The following ZNF558 variants were observed in gnomAD, a reference collection of about 807,000 sequenced individuals.
ZNF558 encodes zinc finger protein 558.
A neutral mutation model predicts 37.6 loss-of-function variants in ZNF558; 23 were observed. The observed-to-expected ratio is 0.61, with a 90% CI of 0.44 to 0.87. ZNF558 has a LOEUF of 0.87. ZNF558 is among the 40% of genes least tolerant of loss of function. The probability of loss-of-function intolerance (pLI) is 0.00; values close to 1 mark genes in which losing one functional copy is unlikely to be tolerated. For missense variants in ZNF558, 429 were observed against 483.7 expected (o/e 0.89, Z 1.06); for synonymous variants, 189 against 174.4 (o/e 1.08, Z -0.66).
Position 8,822,534 on chromosome 19 carries a change from C to A in ZNF558, c.31+95G>T. 6.3e-7 allele frequency: 1 copy of A among 1,576,992 alleles called. No individual in the cohort carries two copies. Among genetic ancestry groups the A allele is most frequent in the Non-Finnish European group, 8.7e-7 (1 of 1,149,730 alleles). On this transcript the variant is annotated intron_variant, in intron 5 of 9. Transcript: ENST00000601372. This position sits in a 1 kb window ranked among gnomAD's most constrained non-coding sequence, Gnocchi z 4.4. ...TGGGCCCCTGGGGCTCCACTCCTGC[C>A]TCACCTGCTCTGCCCAACCCCGCTC...
In ZNF558 at chr19:8,811,247, A is replaced by G. The variant is rs369989137; in HGVS notation, c.*34T>C. ...AAACTATCTTAGGGATGAAAGATCA[A>G]TGAGTGCTTTCCTCCAGAAGTTCCT... On this transcript the variant is annotated 3_prime_UTR_variant, in exon 10 of 10. Coordinates refer to ENST00000601372, the MANE Select transcript of ZNF558 (RefSeq NM_144693.3). The G allele has an allele frequency of 8.6e-6, 13 of 1,518,118 alleles. No individual in the cohort carries two copies. In the African/African-American group the frequency reaches 1.3e-4, roughly 15 times the overall value. The allele number at this position is 1,518,118 out of a possible 1,614,324, so 94.0% of individuals were successfully genotyped here.
chr19:8,832,670 G>A (rs2044391732), upstream of ZNF558: 1 of 153,198 alleles, frequency 6.5e-6, no homozygotes, highest in Non-Finnish European at 1.5e-5. Flanking sequence ...GAGGCTGATT[G>A]GGCAGAGACC....
At position 8,822,344 on chromosome 19, in the gene ZNF558, G is replaced by A. The variant is rs2044115278; in HGVS notation, c.32-253C>T. ...GGATTATTCCCACTTCACAGATGAG[G>A]AAACAAGTTCCAAGGGCGTCACTGT... On this transcript the variant is annotated intron_variant, in intron 5 of 9. Transcript: ENST00000601372. This position sits in a 1 kb window ranked among gnomAD's most constrained non-coding sequence, Gnocchi z 4.4. Among the ~76,000 whole-genome samples, 1 of 152,188 alleles carries A rather than the reference G, an allele frequency of 6.6e-6. No homozygotes were observed. Among genetic ancestry groups the A allele is most frequent in the African/African-American group, 2.4e-5 (1 of 41,442 alleles).
chr19:8,835,909 A>G (rs576830863), upstream of ZNF558, among the ~76,000 whole-genome samples: 5 of 152,244 alleles, frequency 3.3e-5, no homozygotes, highest in Non-Finnish European at 5.9e-5. Context: ...GAAGCCACTC[A>G]TAAAAAACCC....
At chr19:8,834,705 A>G (rs530107248), upstream of ZNF558, among the ~76,000 whole-genome samples, 1 of 152,154 alleles carries the variant, frequency 6.6e-6, no homozygotes, top group East Asian at 1.9e-4. Flanking sequence ...TCTACTTCAC[A>G]CCATGTACAA....
intron 1 of ZNF558, among the ~76,000 whole-genome samples, chr19:8,831,917 C>T (rs1027998320): frequency 2.6e-5 from 4 of 152,196 alleles, no homozygotes; most frequent in Non-Finnish European, 5.9e-5. Flanking sequence ...ACAGTAGCAG[C>T]CTCCCCTCCC....
upstream of ZNF558, among the ~76,000 whole-genome samples, chr19:8,834,406 G>T (rs968626400): frequency 6.6e-6 from 1 of 151,698 alleles, no homozygotes; most frequent in Non-Finnish European, 1.5e-5. Context: ...TCAAGATATC[G>T]AGACCATCCT....
At chr19:8,818,799 G>A (rs1463696186) in intron 7 of ZNF558, among the ~76,000 whole-genome samples, 2 of 152,196 alleles carry the variant, frequency 1.3e-5, no homozygotes, top group African/African-American at 4.8e-5. Flanking sequence ...GGAGGCCCAG[G>A]TAGGCGGATC....
chr19:8,810,054 C>T lies in ZNF558; in HGVS notation c.*1227G>A, dbSNP rs1204412220. 4 of 152,136 alleles carry T rather than the reference C, an allele frequency of 2.6e-5. No homozygotes were observed. The highest frequency in any genetic ancestry group is 9.7e-5 in the African/African-American group (4 of 41,438). 9.4% of individuals were successfully genotyped at this position (152,136 alleles called of 1,614,324 possible). A position where few individuals can be genotyped will look rare whatever the true frequency, so the allele number is the denominator to read the frequency against. ...TCCAGGGAGAAGTTCCATATTTTCC[C>T]TAACACAGAGGCATCACTGAAGGCT... On this transcript the variant is annotated 3_prime_UTR_variant, in exon 10 of 10. Transcript: ENST00000601372.
chr19:8,811,529 C>T lies in ZNF558; in HGVS notation c.961G>A (p.Glu321Lys). The stretch of plus-strand genomic sequence containing the variant: ...AAGGATTTCCCACACTCGTTACATT[C>T]ATAGGGTTTTTCTCCAGTATGAGTT... ...VRTHTGEKPY[E>K]CNECGKSFSS... Residue 321 changes from glutamate to lysine, a missense_variant, in exon 10 of 10, where the codon GAA becomes AAA. By Grantham distance (56) the Glu-to-Lys change is moderately conservative. Coordinates refer to ENST00000601372, the MANE Select transcript of ZNF558 (RefSeq NM_144693.3). 6.2e-7 allele frequency: 1 copy of T among 1,614,186 alleles called. No homozygotes were observed. The highest frequency in any genetic ancestry group is 2.2e-5 in the East Asian group (1 of 44,886).
Position 8,822,231 on chromosome 19 carries a change from A to C in ZNF558, c.32-140T>G. 1.0e-6 allele frequency: 1 copy of C among 995,322 alleles called. No individual in the cohort carries two copies. Among genetic ancestry groups the C allele is most frequent in the Non-Finnish European group, 1.5e-6 (1 of 678,892 alleles). 61.7% of individuals were successfully genotyped at this position (995,322 alleles called of 1,614,324 possible). A position where few individuals can be genotyped will look rare whatever the true frequency, so the allele number is the denominator to read the frequency against. On this transcript the variant is annotated intron_variant, in intron 5 of 9. Coordinates refer to ENST00000601372, the MANE Select transcript of ZNF558 (RefSeq NM_144693.3). This position sits in a 1 kb window ranked among gnomAD's most constrained non-coding sequence, Gnocchi z 4.4. The stretch of plus-strand genomic sequence containing the variant: ...CCACCTACGCTCCATGCAAACACCT[A>C]CCCACAGCTCTCCTAAGATACCCAA...
chr19:8,813,011 G>C (rs1297973603), intron 8 of ZNF558, 116 bp downstream of exon 8: 2 of 771,774 alleles, frequency 2.6e-6, no homozygotes, highest in Admixed American at 4.7e-5. Flanking sequence ...ATGTTTGTCA[G>C]GAACAGGGTA....
upstream of ZNF558, chr19:8,832,454 C>T (rs1310293489): frequency 6.5e-6 from 1 of 152,902 alleles, no homozygotes; most frequent in Admixed American, 6.5e-5. Context: ...GAACCCCAGC[C>T]TTGGGCAGAG....
chr19:8,813,224 T>C lies in ZNF558; in HGVS notation c.248-2A>G. The C allele has an allele frequency of 6.3e-7, 1 of 1,580,866 alleles. No individual in the cohort carries two copies. The highest frequency in any genetic ancestry group is 8.6e-7 in the Non-Finnish European group (1 of 1,161,122). ...GACTGGGTTTATTAACACGACACCC[T>C]ATTTATGGAAACAATACACATGATA... On this transcript the variant is annotated splice_acceptor_variant, in intron 7 of 9. Coordinates refer to ENST00000601372, the MANE Select transcript of ZNF558 (RefSeq NM_144693.3). LOFTEE classifies it high-confidence loss of function.
At chr19:8,829,469 T>C (rs895440776) in intron 2 of ZNF558, among the ~76,000 whole-genome samples, 8 of 152,182 alleles carry the variant, frequency 5.3e-5, no homozygotes, top group African/African-American at 1.9e-4. Context: ...CTAAATATCC[T>C]TCCCAAGAAA....
At chr19:8,823,375 C>T (rs2044145663) in intron 4 of ZNF558, among the ~76,000 whole-genome samples, 1 of 118,948 alleles carries the variant, frequency 8.4e-6, no homozygotes, top group Non-Finnish European at 1.8e-5. Flanking sequence ...CTGCCTCAGT[C>T]AACCCCTCTC....
At chr19:8,834,361 G>A (rs1181194089), upstream of ZNF558, among the ~76,000 whole-genome samples, 10 of 152,082 alleles carry the variant, frequency 6.6e-5, no homozygotes, top group Admixed American at 6.5e-4. Flanking sequence ...TGTAACCCCA[G>A]CACTTTGGGA....
rs1406769465 is a variant in ZNF558 at position 8,822,664 on chromosome 19, T to C, written c.-5A>G. ...GGGCAGGATGACAGCCGCCATCCTG[T>C]GACTCCGACAGCAACAGGGCAGCCG... On this transcript the variant is annotated 5_prime_UTR_variant, in exon 5 of 10. Coordinates refer to ENST00000601372, the MANE Select transcript of ZNF558 (RefSeq NM_144693.3). The surrounding 1 kb of genome is among the most constrained non-coding windows in gnomAD (Gnocchi z 4.4). 6.2e-7 allele frequency: 1 copy of C among 1,614,050 alleles called. No individual in the cohort carries two copies. The highest frequency in any genetic ancestry group is 1.7e-5 in the Admixed American group (1 of 60,024).
intron 3 of ZNF558, 55 bp downstream of exon 3, chr19:8,824,947 C>G (rs1370422161): frequency 6.6e-6 from 1 of 152,288 alleles, no homozygotes; most frequent in African/African-American, 2.4e-5. Context: ...TCTGGCTTCC[C>G]TACTATCATC....
Sources: gnomAD v4.1 joint callset for allele counts (sites outside exome capture counted in the v4.1 genomes callset) on GRCh38, gnomAD v4.1.1 for gene constraint, Gnocchi (gnomAD v3.1) non-coding constraint, MANE v1.5 for transcripts, NCBI Gene and HGNC (gene_info 2026-07-23, HGNC 2026-07-21) for gene names.